CSMD3: variants seen among roughly 807,000 people sequenced by gnomAD.
The protein encoded by CSMD3 is CUB and Sushi multiple domains 3, also known as CUB and sushi domain-containing protein 3.
A neutral mutation model predicts 435.2 loss-of-function variants in CSMD3; 177 were observed. That is an observed-to-expected ratio of 0.41 (90% CI 0.36 to 0.46). The LOEUF (loss-of-function observed/expected upper bound fraction) is 0.46. Among genes scored for constraint, CSMD3 ranks in the 20% least tolerant of loss-of-function variants. The pLI is 0.34. For synonymous variants in CSMD3, 1,656 were observed against 1,520.5 expected (o/e 1.09, Z -2.07); for missense variants, 4,265 against 4,504.6 (o/e 0.95, Z 1.52).
At chr8:113,255,978 T>C (rs1450140222) in intron 3 of CSMD3, among the ~76,000 whole-genome samples, 3 of 152,088 alleles carry the variant, frequency 2.0e-5, no homozygotes, top group Non-Finnish European at 4.4e-5. Context: ...TCCAATTCTT[T>C]GTCTAACATG....
chr8:112,523,077 G>A (rs1052554600), intron 27 of CSMD3, among the ~76,000 whole-genome samples: 3 of 151,870 alleles, frequency 2.0e-5, no homozygotes, highest in African/African-American at 7.2e-5. Context: ...AAGTTCTTAT[G>A]TGTCCTTTAT....
intron 10 of CSMD3, among the ~76,000 whole-genome samples, chr8:112,884,311 TA>T (rs1564065081): frequency 6.6e-6 from 1 of 151,784 alleles, no homozygotes. Context: ...ATGTGAGTGA[TA>T]AAAAATAGTG....
At chr8:113,237,456 T>C (rs903260560) in intron 3 of CSMD3, among the ~76,000 whole-genome samples, 2 of 152,200 alleles carry the variant, frequency 1.3e-5, no homozygotes, top group Non-Finnish European at 2.9e-5. Flanking sequence ...GACTCACATA[T>C]CTGGCATTAA....
chr8:112,728,271 A>T (rs1256125239), intron 13 of CSMD3, among the ~76,000 whole-genome samples: 5 of 151,970 alleles, frequency 3.3e-5, no homozygotes, highest in African/African-American at 1.2e-4. Flanking sequence ...ATAAAAACAG[A>T]GGTAACATAA....
intron 50 of CSMD3, among the ~76,000 whole-genome samples, chr8:112,307,286 C>T (rs1023093457): frequency 2.6e-5 from 4 of 151,820 alleles, no homozygotes; most frequent in African/African-American, 9.7e-5. Flanking sequence ...CCATACTTGG[C>T]CAATTGTTTG....
chr8:112,374,758 T>C (rs1828780958), intron 38 of CSMD3, among the ~76,000 whole-genome samples: 1 of 152,198 alleles, frequency 6.6e-6, no homozygotes, highest in South Asian at 2.1e-4. Context: ...GATTATAATA[T>C]CGTCTTCTAA....
intron 38 of CSMD3, among the ~76,000 whole-genome samples, chr8:112,363,434 T>C (rs1266397216): frequency 6.6e-6 from 1 of 151,852 alleles, no homozygotes; most frequent in Non-Finnish European, 1.5e-5. Context: ...ACAAAAAATA[T>C]ATAAATATTT....
chr8:113,142,928 CAAA>C (rs1238001340), intron 4 of CSMD3, among the ~76,000 whole-genome samples: 11 of 147,386 alleles, frequency 7.5e-5, no homozygotes, highest in Admixed American at 6.8e-4. Context: ...AAAAATAAAA[CAAA>C]AGACAAAATC....
chr8:112,598,057 A>G (rs1379337770), intron 22 of CSMD3, among the ~76,000 whole-genome samples: 3 of 149,582 alleles, frequency 2.0e-5, no homozygotes, highest in African/African-American at 7.5e-5. Context: ...GTATTCAATT[A>G]GGAAAACAGG....
chr8:112,789,906 A>G (rs980581069), intron 13 of CSMD3, among the ~76,000 whole-genome samples: 1 of 152,004 alleles, frequency 6.6e-6, no homozygotes, highest in Non-Finnish European at 1.5e-5. Flanking sequence ...AATATTGGGG[A>G]ATTACAAACT....
chr8:112,228,000 C>A (rs892996619), intron 70 of CSMD3, among the ~76,000 whole-genome samples: 1 of 152,016 alleles, frequency 6.6e-6, no homozygotes, highest in South Asian at 2.1e-4. Flanking sequence ...CGAGATTGTG[C>A]CACTGCACTC....
intron 4 of CSMD3, among the ~76,000 whole-genome samples, chr8:113,103,862 T>A (rs2090399041): frequency 6.6e-6 from 1 of 152,132 alleles, no homozygotes; most frequent in Non-Finnish European, 1.5e-5. Context: ...CACTATGATT[T>A]CACAAATGTA....
intron 3 of CSMD3, among the ~76,000 whole-genome samples, chr8:113,260,828 G>C (rs958234367): frequency 6.9e-4 from 105 of 152,140 alleles, no homozygotes; most frequent in African/African-American, 2.4e-3. Context: ...TGTGGTGTTT[G>C]GTTTTCTGTT....
rs112995576 is a variant in CSMD3, at chr8:113,075,804, AT to A, written c.917+22951del. Among the ~76,000 whole-genome samples, 183 of 152,012 alleles carry A rather than the reference AT, an allele frequency of 1.2e-3. 1 individual carries two copies. In the East Asian group the frequency reaches 0.019, roughly 16 times the overall value. On this transcript the variant is annotated intron_variant, in intron 5 of 70. Transcript: ENST00000297405. The stretch of plus-strand genomic sequence containing the variant: ...GAAAGCAAATAATAGATGAAAAAAA[AT>A]TTGTAAAGTATGCTACTGTTATAAA...
intron 10 of CSMD3, among the ~76,000 whole-genome samples, chr8:112,872,774 C>T (rs1184491354): frequency 1.3e-5 from 2 of 151,898 alleles, no homozygotes; most frequent in Non-Finnish European, 1.5e-5. Context: ...ACAAATCCAA[C>T]CTAGCCTATT....
chr8:113,082,896 C>T (rs1368680555), intron 5 of CSMD3, among the ~76,000 whole-genome samples: 1 of 151,944 alleles, frequency 6.6e-6, no homozygotes, highest in Admixed American at 6.6e-5. Context: ...AAATAACACA[C>T]TCAGACAAAA....
In CSMD3 at chr8:113,108,420, C is replaced by A. The variant is rs1460948710; in HGVS notation, c.710-9457G>T. Among the ~76,000 whole-genome samples the A allele has an allele frequency of 8.0e-5, 10 of 124,384 alleles. No individual in the cohort carries two copies. In the East Asian group the frequency reaches 2.8e-3, roughly 35 times the overall value. 81.6% of individuals were successfully genotyped at this position (124,384 alleles called of 152,430 possible). On this transcript the variant is annotated intron_variant, in intron 4 of 70. Transcript: ENST00000297405. ...GCCAGCCTAGTGAGAGGACGAGACG[C>A]CATCTCAAAAAAAAAAAAAAGGTTA...
At chr8:112,986,164 C>A (rs116981630) in intron 6 of CSMD3, among the ~76,000 whole-genome samples, 3 of 152,068 alleles carry the variant, frequency 2.0e-5, no homozygotes, top group Non-Finnish European at 4.4e-5. Flanking sequence ...TTAAATGTCA[C>A]GTAATCAACA....
chr8:113,301,205 C>T (rs988055386), intron 2 of CSMD3, among the ~76,000 whole-genome samples: 4 of 152,010 alleles, frequency 2.6e-5, no homozygotes, highest in African/African-American at 9.7e-5. Flanking sequence ...AAAATGTGAG[C>T]AGCATCCTTG....
Sources: allele counts gnomAD v4.1 joint callset (sites outside exome capture counted in the v4.1 genomes callset), GRCh38; gene constraint gnomAD v4.1.1; transcripts MANE v1.5; gene names NCBI Gene and HGNC (gene_info 2026-07-23, HGNC 2026-07-21).